The following SSH1 variants were observed in gnomAD, a reference collection of about 807,000 sequenced individuals.
SSH1 encodes the protein protein phosphatase Slingshot homolog 1.
In SSH1, 43 loss-of-function variants were observed where a neutral mutation model predicts 79.7. The observed-to-expected ratio is 0.54, with a 90% CI of 0.42 to 0.70. The LOEUF is 0.70. SSH1 is among the 30% of genes least tolerant of loss of function. The pLI is 0.00. For missense variants in SSH1, 1,206 were observed against 1,358.8 expected, an observed-to-expected ratio of 0.89 and a Z score of 1.77; for synonymous variants, 599 against 538.3, an observed-to-expected ratio of 1.11 and a Z score of -1.56.
chr12:108,800,198 A>C (rs1436537553), intron 12 of SSH1, among the ~76,000 whole-genome samples: 2 of 152,176 alleles, frequency 1.3e-5, no homozygotes, highest in Non-Finnish European at 2.9e-5. Context: ...AATAAGGCAG[A>C]GCTGTTTCGC....
intron 5 of SSH1, 57 bp downstream of exon 5, chr12:108,816,981 T>C: frequency 6.2e-7 from 1 of 1,609,864 alleles, no homozygotes; most frequent in Non-Finnish European, 8.5e-7. Flanking sequence ...GAATGCTTTG[T>C]CCAGCAGCAA....
chr12:108,802,681 G>C (rs192558846), intron 10 of SSH1, among the ~76,000 whole-genome samples: 270 of 143,302 alleles, frequency 1.9e-3, no homozygotes, highest in African/African-American at 5.4e-3. Flanking sequence ...AGAGTCCAGT[G>C]GGGGGGGGTC....
chr12:108,833,153 C>CT (rs763525533), intron 2 of SSH1, among the ~76,000 whole-genome samples: 228 of 143,424 alleles, frequency 1.6e-3, no homozygotes, highest in South Asian at 2.2e-3. Context: ...CAAAAGCAAG[C>CT]TTTTTTTTTT....
chr12:108,805,290 T>TG (rs955050369), intron 9 of SSH1, 106 bp from the exon 10 acceptor site: 1 of 1,322,174 alleles, frequency 7.6e-7, no homozygotes, highest in Non-Finnish European at 1.1e-6. Flanking sequence ...CCAAAAAAGG[T>TG]GGGTGTTTTT....
chr12:108,824,277 C>A (rs534667722), intron 2 of SSH1, among the ~76,000 whole-genome samples: 6 of 152,024 alleles, frequency 3.9e-5, no homozygotes, highest in African/African-American at 1.4e-4. Flanking sequence ...AACCCTGTCT[C>A]TACTAAAAAT....
At chr12:108,853,497 G>A (rs1451974403) in intron 1 of SSH1, 1 of 288,436 alleles carries the variant, frequency 3.5e-6, no homozygotes, top group Admixed American at 6.5e-5. Flanking sequence ...GTGATGGCTG[G>A]GAGAGATGCA....
chr12:108,803,810 T>C (rs2037138628), intron 10 of SSH1, among the ~76,000 whole-genome samples: 1 of 152,162 alleles, frequency 6.6e-6, no homozygotes, highest in African/African-American at 2.4e-5. Context: ...TCCACACATG[T>C]ACATACATTT....
Position 108,782,681 on chromosome 12 carries a change from A to G in SSH1, c.*5307T>C, listed in dbSNP as rs988703887. 8 of 152,044 alleles carry G rather than the reference A, an allele frequency of 5.3e-5. No individual in the cohort carries two copies. The highest frequency in any genetic ancestry group is 6.5e-5 in the Admixed American group (1 of 15,270). 9.4% of individuals were successfully genotyped at this position (152,044 alleles called of 1,614,324 possible). On this transcript the variant is annotated 3_prime_UTR_variant, in exon 15 of 15. Coordinates refer to ENST00000326495, the MANE Select transcript of SSH1 (RefSeq NM_018984.4). Reference sequence around the variant, plus strand: ...GAGGAAGCAGTTTCCTTTTATATAAACTCAGTCATCAGGAATTTATAAAGA... The same window carrying G: ...GAGGAAGCAGTTTCCTTTTATATAAGCTCAGTCATCAGGAATTTATAAAGA...
intron 2 of SSH1, chr12:108,827,302 G>A (rs1369817597): frequency 1.3e-6 from 2 of 1,551,216 alleles, no homozygotes; most frequent in East Asian, 2.4e-5. Flanking sequence ...GAAGCAGTGG[G>A]TTGGCTGAAG....
chr12:108,818,470 G>C (rs79805307), intron 3 of SSH1, among the ~76,000 whole-genome samples, 157 bp from the exon 4 acceptor site: 4,975 of 152,304 alleles, frequency 0.033, 118 homozygotes, highest in Non-Finnish European at 0.048. Context: ...CTTCAAGTCT[G>C]AATTTCTCTT....
intron 1 of SSH1, among the ~76,000 whole-genome samples, chr12:108,854,607 T>C (rs1485984429): frequency 6.6e-6 from 1 of 152,210 alleles, no homozygotes; most frequent in African/African-American, 2.4e-5. Context: ...CCTAAGTGTC[T>C]GACTCATTAT....
chr12:108,791,475 A>G (rs2036497548), intron 14 of SSH1, among the ~76,000 whole-genome samples: 1 of 152,202 alleles, frequency 6.6e-6, no homozygotes, highest in Non-Finnish European at 1.5e-5. Context: ...ATTTATGAAT[A>G]AAATGATATA....
At chr12:108,799,485 A>G (rs963678124) in intron 12 of SSH1, among the ~76,000 whole-genome samples, 3 of 152,162 alleles carry the variant, frequency 2.0e-5, no homozygotes, top group African/African-American at 7.2e-5. Context: ...GAGAGCTTCA[A>G]TATTTGGCTG....
rs2037482400 is a variant in SSH1 at position 108,809,766 on chromosome 12, T to A, written c.471-8A>T. On this transcript the variant is annotated splice_polypyrimidine_tract_variant and splice_region_variant and intron_variant, in intron 6 of 14. Transcript: ENST00000326495. ...GTGCTCACGCTGAACCCACTGAGAA[T>A]AAAACACAGAGAGAAAGGTATCTGT... 6.2e-7 allele frequency: 1 copy of A among 1,613,000 alleles called. No individual in the cohort carries two copies. Among genetic ancestry groups the A allele is most frequent in the Admixed American group, 1.7e-5 (1 of 59,992 alleles).
chr12:108,823,628 C>T (rs2038208590), intron 2 of SSH1, among the ~76,000 whole-genome samples: 1 of 152,098 alleles, frequency 6.6e-6, no homozygotes, highest in Non-Finnish European at 1.5e-5. Flanking sequence ...CCCCTTTCTG[C>T]AGAATACTGG....
At chr12:108,847,020 T>C (rs1288519484) in intron 2 of SSH1, among the ~76,000 whole-genome samples, 2 of 152,124 alleles carry the variant, frequency 1.3e-5, no homozygotes, top group Non-Finnish European at 2.9e-5. Context: ...CCTCAACCTC[T>C]TGAGTAGCTG....
At chr12:108,854,770 G>T (rs1218457575) in intron 1 of SSH1, among the ~76,000 whole-genome samples, 2 of 152,184 alleles carry the variant, frequency 1.3e-5, no homozygotes, top group African/African-American at 2.4e-5. Context: ...CATGAAAGAG[G>T]TAATTCAGTC....
rs2037345782 is a variant in SSH1, at chr12:108,807,558, C to T, written c.731+75G>A. Reference sequence around the variant, plus strand: ...GTGTGGCCCAATGCAGGTTCAGGGTCGGGCACAGGGCAGGTGGGGGAGAGG... The same window carrying T: ...GTGTGGCCCAATGCAGGTTCAGGGTTGGGCACAGGGCAGGTGGGGGAGAGG... On this transcript the variant is annotated intron_variant, in intron 8 of 14. Transcript: ENST00000326495. The surrounding 1 kb of genome is among the most constrained non-coding windows in gnomAD (Gnocchi z 5.2). The T allele has an allele frequency of 2.7e-6, 4 of 1,462,064 alleles. No individual in the cohort carries two copies. Among genetic ancestry groups the T allele is most frequent in the East Asian group, 4.6e-5 (2 of 43,794 alleles). The allele number at this position is 1,462,064 out of a possible 1,614,324, so 90.6% of individuals were successfully genotyped here. A position where few individuals can be genotyped will look rare whatever the true frequency, so the allele number is the denominator to read the frequency against.
intron 10 of SSH1, among the ~76,000 whole-genome samples, chr12:108,803,052 A>T (rs1393093502): frequency 3.0e-5 from 4 of 135,526 alleles, no homozygotes; most frequent in East Asian, 4.5e-4. Flanking sequence ...CCATGTAAGG[A>T]AAAAAAATTT....
Sources: gnomAD v4.1 joint callset for allele counts (sites outside exome capture counted in the v4.1 genomes callset) on GRCh38, gnomAD v4.1.1 for gene constraint, Gnocchi (gnomAD v3.1) non-coding constraint, MANE v1.5 for transcripts, NCBI Gene and HGNC (gene_info 2026-07-23, HGNC 2026-07-21) for gene names.